The following CSMD1 variants were observed in gnomAD, a reference collection of about 807,000 sequenced individuals.
CSMD1 encodes CUB and sushi domain-containing protein 1.
A neutral mutation model predicts 417.5 loss-of-function variants in CSMD1; 213 were observed. The observed-to-expected ratio is 0.51, with a 90% CI of 0.46 to 0.57. CSMD1 has a LOEUF of 0.57. Among genes scored for constraint, CSMD1 ranks in the 20% least tolerant of loss-of-function variants. The pLI is 0.00. For missense variants in CSMD1, 6,923 were observed against 4,529.7 expected, an observed-to-expected ratio of 1.53 and a Z score of -15.17; for synonymous variants, 2,862 against 1,736.8, an observed-to-expected ratio of 1.65 and a Z score of -16.11.
At chr8:4,180,738 C>T (rs1207153111) in intron 3 of CSMD1, among the ~76,000 whole-genome samples, 1 of 152,078 alleles carries the variant, frequency 6.6e-6, no homozygotes, top group African/African-American at 2.4e-5. Context: ...AAACATGGCA[C>T]TAACTGTTAG....
chr8:3,790,382 T>C (rs1378208463), intron 5 of CSMD1, among the ~76,000 whole-genome samples: 6 of 152,112 alleles, frequency 3.9e-5, no homozygotes, highest in Admixed American at 2.0e-4. Flanking sequence ...ATGGTTATGA[T>C]GATGGTGATG....
intron 6 of CSMD1, among the ~76,000 whole-genome samples, chr8:3,744,892 G>C (rs1341984378): frequency 6.6e-6 from 1 of 152,166 alleles, no homozygotes; most frequent in East Asian, 1.9e-4. Flanking sequence ...GTTCAAACAT[G>C]CTGAGCGCTT....
At position 4,891,664 on chromosome 8, in the gene CSMD1, C is replaced by G. The variant is rs115548701; in HGVS notation, c.85+102668G>C. Among the ~76,000 whole-genome samples the G allele has an allele frequency of 1.4e-3, 213 of 152,132 alleles. 1 individual carries two copies. Among genetic ancestry groups the G allele is most frequent in the Non-Finnish European group, 2.2e-3 (150 of 68,004 alleles). ...TCCAAATTTATTGAAATTGGAAACACTATGTATTTATCCTAAGGGCTTATA... is the reference window on the plus strand; with the variant it reads ...TCCAAATTTATTGAAATTGGAAACAGTATGTATTTATCCTAAGGGCTTATA... On this transcript the variant is annotated intron_variant, in intron 1 of 69. Transcript: ENST00000635120.
At chr8:2,999,772 G>A (rs755213907) in intron 53 of CSMD1, among the ~76,000 whole-genome samples, 186 bp downstream of exon 53, 5 of 137,870 alleles carry the variant, frequency 3.6e-5, no homozygotes, top group Non-Finnish European at 7.4e-5. Flanking sequence ...AAAACGGGAA[G>A]GAGATCAAAA....
intron 5 of CSMD1, among the ~76,000 whole-genome samples, chr8:3,879,866 C>G (rs1214792734): frequency 2.0e-5 from 3 of 151,742 alleles, no homozygotes; most frequent in Non-Finnish European, 2.9e-5. Flanking sequence ...GCGTTTTAGT[C>G]TTCTTCTGGT....
chr8:3,070,171 C>G (rs755425591), intron 49 of CSMD1, among the ~76,000 whole-genome samples: 84 of 152,170 alleles, frequency 5.5e-4, no homozygotes, highest in Admixed American at 1.1e-3. Flanking sequence ...GGAGGGTCTG[C>G]CATAAAGGTC....
intron 16 of CSMD1, 64 bp downstream of exon 16, chr8:3,399,327 T>C (rs1811892565): frequency 7.0e-7 from 1 of 1,431,562 alleles, no homozygotes; most frequent in East Asian, 2.4e-5. Flanking sequence ...TTAAGATCCA[T>C]TTACTAAAAC....
At chr8:2,954,374 A>T (rs1802851734) in intron 64 of CSMD1, 106 bp from the exon 65 acceptor site, 1 of 637,182 alleles carries the variant, frequency 1.6e-6, no homozygotes, top group Middle Eastern at 4.1e-4. Context: ...GATTTTTTTA[A>T]TGTACAAAAT....
intron 2 of CSMD1, among the ~76,000 whole-genome samples, chr8:4,485,995 C>G (rs768863352): frequency 5.9e-5 from 9 of 151,346 alleles, no homozygotes; most frequent in South Asian, 2.1e-4. Flanking sequence ...CTTGTGAATC[C>G]CTCCTTATGT....
chr8:4,588,319 G>C (rs764485862), intron 2 of CSMD1, among the ~76,000 whole-genome samples: 3 of 145,912 alleles, frequency 2.1e-5, no homozygotes, highest in Middle Eastern at 7.2e-3. Flanking sequence ...TAAAACATCA[G>C]ACCACAGTTT....
At chr8:4,467,122 T>TAAAAAAAAAAA (rs35481238) in intron 2 of CSMD1, among the ~76,000 whole-genome samples, 37 of 86,006 alleles carry the variant, frequency 4.3e-4, no homozygotes, top group East Asian at 6.8e-4. Context: ...TTCTTCAGAG[T>TAAAAAAAAAAA]AAAAAAAAAA....
rs530561879 is a variant in CSMD1 at position 3,354,408 on chromosome 8, G to A, written c.3304+4744C>T. 2.0e-5 allele frequency among the ~76,000 whole-genome samples: 3 copies of A among 151,994 alleles called. No individual in the cohort carries two copies. The East Asian group carries it at 5.8e-4, about 30-fold the overall frequency. ...TTAATATGCAGATCTCTATGTTTTA[G>A]AAGCTTTATTTTAAAAGCACAGAAA... On this transcript the variant is annotated intron_variant, in intron 21 of 69. Coordinates refer to ENST00000635120, the MANE Select transcript of CSMD1 (RefSeq NM_033225.6).
intron 3 of CSMD1, among the ~76,000 whole-genome samples, chr8:4,099,053 T>A (rs1345383181): frequency 1.3e-5 from 2 of 152,162 alleles, no homozygotes; most frequent in South Asian, 2.1e-4. Flanking sequence ...ATGTGACACA[T>A]CTGTTTTTTT....
chr8:3,308,389 G>A lies in CSMD1; in HGVS notation c.3746C>T (p.Ala1249Val), dbSNP rs561492031. The part of the protein sequence containing the change: ...VVLYSCNPGY[A>V]MHGSNTLTCL... ...GGTCAGGGTGTTGCTGCCATGCATG[G>A]CGTACCCCGGGTTGCAACTGTACAG... The change falls in exon 24 of 70, where the codon GCC becomes GTC. Residue 1249 changes from alanine to valine, a missense_variant. Ala to Val is a moderately conservative substitution (Grantham distance 64). Coordinates refer to ENST00000635120, the MANE Select transcript of CSMD1 (RefSeq NM_033225.6). 1.4e-5 allele frequency: 22 copies of A among 1,613,818 alleles called. 1 individual carries two copies. In the African/African-American group the frequency reaches 2.1e-4, roughly 16 times the overall value.
intron 3 of CSMD1, among the ~76,000 whole-genome samples, chr8:4,308,314 G>A (rs955347835): frequency 6.6e-6 from 1 of 151,812 alleles, no homozygotes; most frequent in Non-Finnish European, 1.5e-5. Context: ...TGTATGTGTG[G>A]GGTGGTGTAT....
chr8:4,598,549 G>T (rs1471621218), intron 2 of CSMD1, among the ~76,000 whole-genome samples: 1 of 152,130 alleles, frequency 6.6e-6, no homozygotes, highest in Non-Finnish European at 1.5e-5. Context: ...GCCAAAAGAT[G>T]CAAGGAAAAC....
intron 37 of CSMD1, among the ~76,000 whole-genome samples, chr8:3,162,865 T>C (rs903251471): frequency 1.3e-5 from 2 of 152,220 alleles, no homozygotes; most frequent in Admixed American, 6.5e-5. Context: ...TGCACTTTCC[T>C]AGATGAATTG....
At chr8:4,354,868 G>GTGTGTC (rs1801312013) in intron 3 of CSMD1, among the ~76,000 whole-genome samples, 1 of 102,302 alleles carries the variant, frequency 9.8e-6, no homozygotes, top group African/African-American at 7.8e-5. Context: ...AAAATGTAGT[G>GTGTGTC]TGTGTGTGTG....
chr8:4,443,434 A>C (rs1798599546), intron 2 of CSMD1, among the ~76,000 whole-genome samples: 1 of 152,194 alleles, frequency 6.6e-6, no homozygotes, highest in Non-Finnish European at 1.5e-5. Flanking sequence ...TTCATTATTC[A>C]ACAACACTGA....
Sources: gnomAD v4.1 joint callset for allele counts (sites outside exome capture counted in the v4.1 genomes callset) on GRCh38, gnomAD v4.1.1 for gene constraint, MANE v1.5 for transcripts, NCBI Gene and HGNC (gene_info 2026-07-23, HGNC 2026-07-21) for gene names.